C10orf105: variants seen among roughly 807,000 people sequenced by gnomAD.
The protein encoded by C10orf105 is uncharacterized protein C10orf105.
In C10orf105, 2 loss-of-function variants were observed where a neutral mutation model predicts 0.6. The ratio of observed to expected loss-of-function variants is 3.18; its 90% CI spans 1.30 to 10.01. The LOEUF is 10.01. C10orf105 is among the 30% of genes most tolerant of loss of function. The pLI, the probability that C10orf105 is intolerant of heterozygous loss-of-function variation, is 0.04. For missense variants in C10orf105, 209 were observed against 191.4 expected, an observed-to-expected ratio of 1.09 and a Z score of -0.54; for synonymous variants, 95 against 82.4, an observed-to-expected ratio of 1.15 and a Z score of -0.83.
chr10:71,727,941 G>A (rs1035473720), intron 1 of C10orf105, among the ~76,000 whole-genome samples: 5 of 152,148 alleles, frequency 3.3e-5, no homozygotes, highest in Admixed American at 6.5e-5. Flanking sequence ...GCTAAAAACA[G>A]GCTGAAACCG....
chr10:71,727,171 A>G (rs535041198), intron 1 of C10orf105, among the ~76,000 whole-genome samples: 33 of 152,188 alleles, frequency 2.2e-4, no homozygotes, highest in Admixed American at 1.9e-3. Flanking sequence ...TAATACCCCC[A>G]TCTTACAGAT....
At chr10:71,732,622 G>C (rs1441376945) in intron 1 of C10orf105, 1 of 1,399,240 alleles carries the variant, frequency 7.1e-7, no homozygotes, top group Non-Finnish European at 9.3e-7. Flanking sequence ...AACAGAGTGA[G>C]ACCTTGTCTC....
chr10:71,725,827 A>G (rs373251979), intron 1 of C10orf105, among the ~76,000 whole-genome samples: 62 of 152,314 alleles, frequency 4.1e-4, no homozygotes, highest in African/African-American at 1.4e-3. Context: ...GGGTAAGTCA[A>G]GGAAATCTCA....
At position 71,713,039 on chromosome 10, in the gene C10orf105, C is replaced by T. The variant is rs1376302500; in HGVS notation, c.*2897G>A. The T allele has an allele frequency of 1.4e-6, 1 of 734,166 alleles. No individual in the cohort carries two copies. 45.5% of individuals were successfully genotyped at this position (734,166 alleles called of 1,614,324 possible). ...GAGCTGAGGATAGGGCTCTGGCTCC[C>T]CACAAACAGGAGGAAGACTTGGCCT... is the stretch of plus-strand genomic sequence containing the variant. On this transcript the variant is annotated 3_prime_UTR_variant, in exon 2 of 2. Coordinates refer to ENST00000441508, the MANE Select transcript of C10orf105 (RefSeq NM_001164375.3).
intron 1 of C10orf105, chr10:71,732,438 T>C (rs751135698): frequency 2.7e-5 from 41 of 1,544,764 alleles, no homozygotes; most frequent in Non-Finnish European, 3.4e-5. Flanking sequence ...TTGAGCTCCT[T>C]CTGTGTGCAC....
At chr10:71,731,642 C>T (rs1289987704) in intron 1 of C10orf105, among the ~76,000 whole-genome samples, 1 of 152,196 alleles carries the variant, frequency 6.6e-6, no homozygotes, top group Non-Finnish European at 1.5e-5. Flanking sequence ...GCCTCCACTA[C>T]AAGAGATCCT....
At chr10:71,721,458 C>T (rs552771059), upstream of C10orf105, among the ~76,000 whole-genome samples, 14 of 152,344 alleles carry the variant, frequency 9.2e-5, no homozygotes, top group African/African-American at 3.1e-4. Context: ...CCCCTCAACC[C>T]TGCAAGGCTG....
chr10:71,712,834 G>C lies in C10orf105; in HGVS notation c.*3102C>G. 1 of 1,606,504 alleles carries C rather than the reference G, an allele frequency of 6.2e-7. No homozygotes were observed. The highest frequency in any genetic ancestry group is 8.5e-7 in the Non-Finnish European group (1 of 1,176,906). ...TGCAGGCAGGTGGCCCGTGGCCTCT[G>C]GGGCAGGTGGTGGGCTGGGGGAGGC... is the stretch of plus-strand genomic sequence containing the variant. On this transcript the variant is annotated 3_prime_UTR_variant, in exon 2 of 2. Coordinates refer to ENST00000441508, the MANE Select transcript of C10orf105 (RefSeq NM_001164375.3).
rs752776373 is a variant in C10orf105, at chr10:71,712,686, G to A, written c.*3250C>T. The A allele has an allele frequency of 5.0e-6, 8 of 1,613,562 alleles. No homozygotes were observed. Among genetic ancestry groups the A allele is most frequent in the African/African-American group, 4.0e-5 (3 of 74,940 alleles). On this transcript the variant is annotated 3_prime_UTR_variant, in exon 2 of 2. Transcript: ENST00000441508. ...ACAGACAACGGCCCTGTAGGGAAGC[G>A]ACACACGGGCACAGCCACCGTGTTC...
At chr10:71,731,100 G>A (rs920224799) in intron 1 of C10orf105, among the ~76,000 whole-genome samples, 2 of 152,238 alleles carry the variant, frequency 1.3e-5, no homozygotes, top group African/African-American at 4.8e-5. Flanking sequence ...ACCTTGCTGA[G>A]GGCCCAAGCC....
At chr10:71,736,646 G>T (rs942941058) in intron 1 of C10orf105, among the ~76,000 whole-genome samples, 1 of 152,132 alleles carries the variant, frequency 6.6e-6, no homozygotes, top group Non-Finnish European at 1.5e-5. Context: ...CCACTGGGAA[G>T]TCCAGCAGCC....
At position 71,725,183 on chromosome 10, in the gene C10orf105, C is replaced by G. The variant is rs74147039; in HGVS notation, c.-5-8841G>C. 0.027 allele frequency among the ~76,000 whole-genome samples: 4,046 copies of G among 152,304 alleles called. 208 individuals carry two copies. Among genetic ancestry groups the G allele is most frequent in the African/African-American group, 0.093 (3,865 of 41,548 alleles). ...GCAGGTGAAACGCATTGGGGATGGC[C>G]TGTCTGCCTTGCCCCACCTCACAGA... On this transcript the variant is annotated intron_variant, in intron 1 of 1. Transcript: ENST00000398786.
intron 1 of C10orf105, chr10:71,730,425 C>T: frequency 2.5e-6 from 4 of 1,603,482 alleles, no homozygotes; most frequent in Non-Finnish European, 3.4e-6. Context: ...GCTTCCCAGC[C>T]TCCACCCCAC....
upstream of C10orf105, among the ~76,000 whole-genome samples, chr10:71,721,063 T>C (rs1866533592): frequency 6.6e-6 from 1 of 152,216 alleles, no homozygotes; most frequent in African/African-American, 2.4e-5. Context: ...ACTTCATCTG[T>C]GGCCCCCATT....
At chr10:71,720,943 G>T (rs1866529188), upstream of C10orf105, among the ~76,000 whole-genome samples, 2 of 152,192 alleles carry the variant, frequency 1.3e-5, no homozygotes, top group South Asian at 4.1e-4. Flanking sequence ...AAAGCATCCG[G>T]CCCAAAGGTG....
At chr10:71,728,181 A>G (rs1035783899) in intron 1 of C10orf105, among the ~76,000 whole-genome samples, 1 of 152,072 alleles carries the variant, frequency 6.6e-6, no homozygotes, top group African/African-American at 2.4e-5. Context: ...AAATTCATCC[A>G]TGCAAACTCC....
chr10:71,731,935 C>T, intron 1 of C10orf105: 3 of 1,566,082 alleles, frequency 1.9e-6, no homozygotes, highest in Non-Finnish European at 2.6e-6. Flanking sequence ...AGCCACAGCG[C>T]AGCCCCACTC....
At chr10:71,724,099 C>T (rs1207934003), upstream of C10orf105, 9 of 1,557,948 alleles carry the variant, frequency 5.8e-6, no homozygotes, top group Non-Finnish European at 7.8e-6. Context: ...GTACCGCATC[C>T]TCCATGGTAA....
chr10:71,712,616 C>T lies in C10orf105; in HGVS notation c.*3320G>A, dbSNP rs1866019967. On this transcript the variant is annotated 3_prime_UTR_variant, in exon 2 of 2. Transcript: ENST00000441508. ...AGTGTGCAAAGTCACAGGAAGTGTG[C>T]CCCTCTCTCAGGCAGCTGCTAACAC... 4.4e-6 allele frequency: 7 copies of T among 1,602,180 alleles called. No individual in the cohort carries two copies. The East Asian group carries it at 9.0e-5, about 21-fold the overall frequency.
Sources: gnomAD v4.1 joint callset for allele counts (sites outside exome capture counted in the v4.1 genomes callset) on GRCh38, gnomAD v4.1.1 for gene constraint, MANE v1.5 for transcripts, NCBI Gene and HGNC (gene_info 2026-07-23, HGNC 2026-07-21) for gene names.